Variants in HDAC9 observed in about 807,000 individuals in gnomAD.
The protein encoded by HDAC9 is histone deacetylase 9.
Under a neutral mutation model 139.4 loss-of-function variants are expected in HDAC9, and 41 were observed. That is an observed-to-expected ratio of 0.29 (90% CI 0.23 to 0.38). HDAC9 has a LOEUF of 0.38. HDAC9 is among the 10% of genes least tolerant of loss of function. HDAC9 has a pLI of 1.00. For missense variants in HDAC9, 1,147 were observed against 1,297.0 expected, an observed-to-expected ratio of 0.88 and a Z score of 1.78; for synonymous variants, 517 against 476.2, an observed-to-expected ratio of 1.09 and a Z score of -1.12.
chr7:18,262,006 A>C (rs1258183978), intron 2 of HDAC9, among the ~76,000 whole-genome samples: 1 of 152,238 alleles, frequency 6.6e-6, no homozygotes, highest in Non-Finnish European at 1.5e-5. Context: ...AGATATATCA[A>C]ATCCCCTGAT....
chr7:18,342,190 G>A (rs1004436345), intron 1 of HDAC9, among the ~76,000 whole-genome samples: 1 of 151,766 alleles, frequency 6.6e-6, no homozygotes, highest in Non-Finnish European at 1.5e-5. Flanking sequence ...GTGTTGTTTG[G>A]TGCTTCCCTC....
chr7:18,126,797 A>G (rs1307882364), intron 1 of HDAC9, among the ~76,000 whole-genome samples: 2 of 152,160 alleles, frequency 1.3e-5, no homozygotes, highest in African/African-American at 2.4e-5. Context: ...CCCCAAATCA[A>G]ACTGTATTTC....
chr7:18,633,974 A>G (rs1223053583), intron 7 of HDAC9, among the ~76,000 whole-genome samples: 1 of 152,028 alleles, frequency 6.6e-6, no homozygotes, highest in Admixed American at 6.6e-5. Context: ...TTATATTGGT[A>G]TTTACAAATC....
At chr7:18,251,678 T>C (rs1794924804) in intron 2 of HDAC9, among the ~76,000 whole-genome samples, 1 of 152,174 alleles carries the variant, frequency 6.6e-6, no homozygotes. Flanking sequence ...GGACTTTACC[T>C]GCAACTAAAG....
intron 2 of HDAC9, among the ~76,000 whole-genome samples, chr7:18,284,152 A>G (rs1282668570): frequency 6.6e-6 from 1 of 152,012 alleles, no homozygotes; most frequent in Non-Finnish European, 1.5e-5. Flanking sequence ...TAATGAGGCA[A>G]TTTTTGCTTT....
At chr7:18,316,967 G>A (rs1272146184) in intron 1 of HDAC9, among the ~76,000 whole-genome samples, 3 of 151,840 alleles carry the variant, frequency 2.0e-5, no homozygotes, top group African/African-American at 4.8e-5. Context: ...GGTGGCGGGC[G>A]CCTGTAGTCC....
At chr7:18,506,146 T>C (rs1402061907) in intron 2 of HDAC9, 1 of 152,050 alleles carries the variant, frequency 6.6e-6, no homozygotes, top group Non-Finnish European at 1.5e-5. Context: ...CAAAATAGCA[T>C]GATAACTGTC....
At chr7:18,883,745 A>T (rs1413854619) in intron 22 of HDAC9, among the ~76,000 whole-genome samples, 1 of 152,120 alleles carries the variant, frequency 6.6e-6, no homozygotes, top group Non-Finnish European at 1.5e-5. Context: ...GAGAAGTTAA[A>T]CTGTCTCTGT....
At chr7:18,436,526 A>T (rs1791218222) in intron 1 of HDAC9, among the ~76,000 whole-genome samples, 1 of 152,186 alleles carries the variant, frequency 6.6e-6, no homozygotes, top group African/African-American at 2.4e-5. Flanking sequence ...TAATGATTTT[A>T]AGTTGTGGAA....
chr7:18,224,732 C>T (rs1304898250), intron 2 of HDAC9, among the ~76,000 whole-genome samples: 1 of 151,678 alleles, frequency 6.6e-6, no homozygotes, highest in East Asian at 1.9e-4. Context: ...TTGTAGAATT[C>T]GAAGTTGAAT....
At chr7:18,960,376 T>C (rs889616099) in intron 24 of HDAC9, among the ~76,000 whole-genome samples, 1 of 152,122 alleles carries the variant, frequency 6.6e-6, no homozygotes, top group African/African-American at 2.4e-5. Context: ...CTTCTCCTCC[T>C]CTTCCTCTAT....
intron 1 of HDAC9, among the ~76,000 whole-genome samples, chr7:18,378,164 T>C (rs1785140401): frequency 6.6e-6 from 1 of 152,166 alleles, no homozygotes; most frequent in African/African-American, 2.4e-5. Flanking sequence ...ACTGACTGAA[T>C]GATTGAGTGC....
chr7:18,651,860 C>G (rs80144799), intron 11 of HDAC9, among the ~76,000 whole-genome samples: 2 of 151,974 alleles, frequency 1.3e-5, no homozygotes, highest in East Asian at 3.9e-4. Flanking sequence ...CTGGAATGGG[C>G]TTGTATAGTA....
chr7:18,290,477 C>T, exon 1 of HDAC9: 1 of 456,594 alleles, frequency 2.2e-6, no homozygotes, highest in South Asian at 1.5e-5. Flanking sequence ...TGCGAAACCA[C>T]AGCACACTTT....
At chr7:18,691,062 G>T (rs1782639113) in intron 12 of HDAC9, among the ~76,000 whole-genome samples, 1 of 151,968 alleles carries the variant, frequency 6.6e-6, no homozygotes, top group African/African-American at 2.4e-5. Context: ...TGAGCAAAAT[G>T]CTAATTTTAT....
At chr7:18,629,116 CT>C (rs774269658) in intron 6 of HDAC9, among the ~76,000 whole-genome samples, 26 of 151,968 alleles carry the variant, frequency 1.7e-4, no homozygotes, top group Admixed American at 7.2e-4. Flanking sequence ...TTACTTTTTA[CT>C]TTCATATTTA....
chr7:18,116,615 A>G (rs867409525), intron 1 of HDAC9, among the ~76,000 whole-genome samples: 3 of 151,698 alleles, frequency 2.0e-5, no homozygotes, highest in Non-Finnish European at 4.4e-5. Flanking sequence ...ATCAAATAAC[A>G]TATGTATCAA....
At chr7:18,323,399 A>T (rs1800178444) in intron 1 of HDAC9, among the ~76,000 whole-genome samples, 1 of 152,078 alleles carries the variant, frequency 6.6e-6, no homozygotes, top group Non-Finnish European at 1.5e-5. Context: ...TATTCTCAAC[A>T]CTTTAGTGGA....
intron 1 of HDAC9, among the ~76,000 whole-genome samples, chr7:18,146,626 A>G (rs1051503966): frequency 1.3e-5 from 2 of 152,212 alleles, no homozygotes; most frequent in African/African-American, 2.4e-5. Flanking sequence ...TGCAGAAACA[A>G]TGCTTTTAAC....
Sources: allele counts gnomAD v4.1 joint callset (sites outside exome capture counted in the v4.1 genomes callset), GRCh38; gene constraint gnomAD v4.1.1; transcripts MANE v1.5; gene names NCBI Gene and HGNC (gene_info 2026-07-23, HGNC 2026-07-21).